Variants in ZCWPW2 observed in about 807,000 individuals in gnomAD.
ZCWPW2 encodes the protein zinc finger CW-type and PWWP domain containing 2.
Under a neutral mutation model 46.6 loss-of-function variants are expected in ZCWPW2, and 45 were observed. The observed-to-expected ratio is 0.96, with a 90% CI of 0.76 to 1.24. The LOEUF is 1.24. Among genes scored for constraint, ZCWPW2 ranks in the 50% most tolerant of loss-of-function variants. The pLI, the probability that ZCWPW2 is intolerant of heterozygous loss-of-function variation, is 0.00. For synonymous variants in ZCWPW2, 152 were observed against 137.1 expected (o/e 1.11, Z -0.76); for missense variants, 429 against 403.9 (o/e 1.06, Z -0.53).
At chr3:28,362,352 A>T (rs968027415) in intron 1 of ZCWPW2, among the ~76,000 whole-genome samples, 2 of 152,206 alleles carry the variant, frequency 1.3e-5, no homozygotes, top group East Asian at 1.9e-4. Context: ...GGGAGATATT[A>T]TCCAGAATCT....
chr3:28,360,255 C>T (rs899839491), intron 1 of ZCWPW2, among the ~76,000 whole-genome samples: 1 of 149,556 alleles, frequency 6.7e-6, no homozygotes, highest in Non-Finnish European at 1.5e-5. Context: ...CCTGTAATTC[C>T]AGCACTTTGG....
chr3:28,362,215 G>A (rs1022897970), intron 1 of ZCWPW2, among the ~76,000 whole-genome samples: 1 of 152,030 alleles, frequency 6.6e-6, no homozygotes, highest in Non-Finnish European at 1.5e-5. Context: ...TATATAAGAT[G>A]AAAATGTTCT....
chr3:28,446,851 A>G (rs1268039728), intron 4 of ZCWPW2, among the ~76,000 whole-genome samples: 2 of 152,164 alleles, frequency 1.3e-5, no homozygotes, highest in East Asian at 3.9e-4. Context: ...CCAATTCTAC[A>G]TAAATAAAAA....
At chr3:28,503,910 A>G (rs900526719) in intron 6 of ZCWPW2, among the ~76,000 whole-genome samples, 1 of 151,990 alleles carries the variant, frequency 6.6e-6, no homozygotes, top group African/African-American at 2.4e-5. Flanking sequence ...TAATACCTTT[A>G]CTTTGCCAAG....
Position 28,435,221 on chromosome 3 carries a change from A to G in ZCWPW2, c.444A>G (p.Arg148=), listed in dbSNP as rs141487206. 4,227 of 1,613,396 alleles carry G rather than the reference A, an allele frequency of 2.6e-3. 14 individuals are homozygous for G. The highest frequency in any genetic ancestry group is 6.1e-3 in the Middle Eastern group (37 of 6,060). The change falls in exon 4 of 10, where the codon AGA becomes AGG. Residue 148 remains arginine, a synonymous_variant. Transcript: ENST00000383768. ...AATTCCTGGGCGATCCCCATTCAAGATCATGGATAAAGGCAACATTCGTTG... is the reference window on the plus strand; with the variant it reads ...AATTCCTGGGCGATCCCCATTCAAGGTCATGGATAAAGGCAACATTCGTTG... ...HIEFLGDPHS[R]SWIKATFVGH...
intron 8 of ZCWPW2, among the ~76,000 whole-genome samples, chr3:28,518,232 A>C (rs1409761667): frequency 7.1e-6 from 1 of 141,262 alleles, no homozygotes; most frequent in African/African-American, 2.6e-5. Context: ...ACTTTCTCTG[A>C]GTAATGGAGT....
intron 4 of ZCWPW2, among the ~76,000 whole-genome samples, chr3:28,442,664 G>C (rs796756539): frequency 2.6e-5 from 4 of 152,262 alleles, no homozygotes; most frequent in Non-Finnish European, 5.9e-5. Context: ...TGCATACCAG[G>C]TATCAGGAGA....
chr3:28,359,816 C>T (rs1323450876), intron 1 of ZCWPW2, among the ~76,000 whole-genome samples: 4 of 152,074 alleles, frequency 2.6e-5, no homozygotes, highest in Non-Finnish European at 4.4e-5. Flanking sequence ...TCCCCCTACA[C>T]ATTGTAGATT....
At chr3:28,357,879 A>G (rs761806617) in intron 1 of ZCWPW2, among the ~76,000 whole-genome samples, 3 of 150,286 alleles carry the variant, frequency 2.0e-5, no homozygotes, top group Non-Finnish European at 3.0e-5. Flanking sequence ...AACCCTGACA[A>G]TATACTTTGT....
intron 1 of ZCWPW2, among the ~76,000 whole-genome samples, chr3:28,352,111 C>A (rs1577157830): frequency 6.7e-6 from 1 of 148,256 alleles, no homozygotes. Context: ...TCCTTTCCCT[C>A]TATCTCAGAT....
chr3:28,501,445 T>G (rs1018624377), intron 6 of ZCWPW2, among the ~76,000 whole-genome samples: 1 of 152,158 alleles, frequency 6.6e-6, no homozygotes, highest in African/African-American at 2.4e-5. Context: ...CATTCTAGTT[T>G]GGTTTGGATT....
intron 1 of ZCWPW2, among the ~76,000 whole-genome samples, chr3:28,356,538 T>C (rs1228082916): frequency 6.6e-6 from 1 of 152,210 alleles, no homozygotes; most frequent in Non-Finnish European, 1.5e-5. Flanking sequence ...CATGCTACTC[T>C]AAAGACACAT....
chr3:28,493,254 G>C (rs1456126349), intron 6 of ZCWPW2, among the ~76,000 whole-genome samples: 1 of 138,338 alleles, frequency 7.2e-6, no homozygotes, highest in African/African-American at 2.7e-5. Flanking sequence ...AGCCACTAAC[G>C]TGTCATCTAG....
At chr3:28,491,473 T>C (rs949219288) in intron 5 of ZCWPW2, among the ~76,000 whole-genome samples, 1 of 152,062 alleles carries the variant, frequency 6.6e-6, no homozygotes, top group Non-Finnish European at 1.5e-5. Context: ...ATGTACTAAA[T>C]TTAGGAGTGG....
chr3:28,490,638 G>A lies in ZCWPW2; in HGVS notation c.611-1489G>A, dbSNP rs117845801. Among the ~76,000 whole-genome samples, 105 of 152,154 alleles carry A rather than the reference G, an allele frequency of 6.9e-4. 4 individuals are homozygous for A. The East Asian group carries it at 0.016, about 24-fold the overall frequency. On this transcript the variant is annotated intron_variant, in intron 5 of 9. Transcript: ENST00000383768. The stretch of plus-strand genomic sequence containing the variant: ...AACATTGAGTACATGTGGTCACAAA[G>A]AAGGAAACAATAGGCACTGGGGCCT...
chr3:28,498,693 A>G (rs1405909465), intron 6 of ZCWPW2, among the ~76,000 whole-genome samples: 1 of 151,764 alleles, frequency 6.6e-6, no homozygotes, highest in Non-Finnish European at 1.5e-5. Flanking sequence ...ATACATGTGC[A>G]GAACGTGCAG....
chr3:28,386,674 A>AATAGCCTTTTAT (rs1433182329), intron 1 of ZCWPW2, among the ~76,000 whole-genome samples: 1 of 152,196 alleles, frequency 6.6e-6, no homozygotes, highest in Non-Finnish European at 1.5e-5. Flanking sequence ...TTTAAAAATA[A>AATAGCCTTTTAT]ATAGCCTTTT....
intron 3 of ZCWPW2, among the ~76,000 whole-genome samples, chr3:28,426,204 A>G (rs988696937): frequency 7.2e-5 from 11 of 151,972 alleles, no homozygotes; most frequent in African/African-American, 2.4e-4. Context: ...ATCTGTATGT[A>G]CCAGAAAGAT....
chr3:28,514,205 C>A, intron 7 of ZCWPW2, 83 bp downstream of exon 7: 2 of 913,760 alleles, frequency 2.2e-6, no homozygotes, highest in Non-Finnish European at 3.0e-6. Flanking sequence ...GGCTAATAAC[C>A]CTAAACAACA....
Sources: gnomAD v4.1 joint callset for allele counts (sites outside exome capture counted in the v4.1 genomes callset) on GRCh38, gnomAD v4.1.1 for gene constraint, MANE v1.5 for transcripts, NCBI Gene and HGNC (gene_info 2026-07-23, HGNC 2026-07-21) for gene names.